INVS: variants seen among roughly 807,000 people sequenced by gnomAD.
The protein encoded by INVS is inversion of embryo turning homolog.
In INVS, 86 loss-of-function variants were observed where a neutral mutation model predicts 108.8. That is an observed-to-expected ratio of 0.79 (90% confidence interval 0.66 to 0.95). INVS has a LOEUF of 0.95. Ranked by LOEUF, INVS falls within the 40% of genes least tolerant of loss-of-function variation. The pLI, the probability that INVS is intolerant of heterozygous loss-of-function variation, is 0.00. For synonymous variants in INVS, 455 were observed against 473.5 expected (o/e 0.96, Z 0.51); for missense variants, 1,169 against 1,297.4 (o/e 0.90, Z 1.52).
intron 3 of INVS, among the ~76,000 whole-genome samples, chr9:100,191,178 G>C (rs1482511910): frequency 6.6e-6 from 1 of 152,068 alleles, no homozygotes; most frequent in African/African-American, 2.4e-5. Flanking sequence ...TTTTTGTAAT[G>C]AATCTCCCAG....
chr9:100,268,703 T>G (rs1832864383), intron 11 of INVS, among the ~76,000 whole-genome samples: 1 of 152,086 alleles, frequency 6.6e-6, no homozygotes, highest in Non-Finnish European at 1.5e-5. Flanking sequence ...GCTTAAAATT[T>G]TTCATAATAA....
intron 3 of INVS, among the ~76,000 whole-genome samples, chr9:100,214,646 A>G (rs574718586): frequency 6.6e-6 from 1 of 152,348 alleles, no homozygotes; most frequent in South Asian, 2.1e-4. Context: ...CATGTATACA[A>G]CGGGGTCCAC....
At chr9:100,244,554 A>G (rs958395161) in intron 7 of INVS, among the ~76,000 whole-genome samples, 21 of 152,276 alleles carry the variant, frequency 1.4e-4, no homozygotes, top group East Asian at 5.8e-4. Context: ...ATTCTTTATA[A>G]TGACTCAATA....
chr9:100,116,177 C>T (rs956994887), intron 2 of INVS, among the ~76,000 whole-genome samples: 2 of 151,348 alleles, frequency 1.3e-5, no homozygotes, highest in Admixed American at 1.3e-4. Flanking sequence ...AATCTCGGCT[C>T]CCTGCAACCT....
chr9:100,124,183 T>A (rs898736041), intron 2 of INVS, among the ~76,000 whole-genome samples: 3 of 141,464 alleles, frequency 2.1e-5, no homozygotes, highest in African/African-American at 8.3e-5. Context: ...TCTGAGTGTG[T>A]GTGTGTGTGT....
chr9:100,274,597 C>T (rs2787383), intron 12 of INVS, among the ~76,000 whole-genome samples: 50,085 of 152,120 alleles, frequency 0.33, 9,006 homozygotes, highest in Non-Finnish European at 0.42. Flanking sequence ...CTCCACCTCC[C>T]GGGTTCAAGC....
chr9:100,156,442 T>G (rs1176032964), intron 3 of INVS, among the ~76,000 whole-genome samples: 1 of 151,896 alleles, frequency 6.6e-6, no homozygotes, highest in Non-Finnish European at 1.5e-5. Context: ...TTTGTATTTT[T>G]GGTAGAGATG....
chr9:100,214,528 A>C (rs1057467584), intron 3 of INVS, among the ~76,000 whole-genome samples: 1 of 152,222 alleles, frequency 6.6e-6, no homozygotes, highest in African/African-American at 2.4e-5. Flanking sequence ...AGTAGTTGTT[A>C]CTTCAGTTGC....
rs891894248 is a variant in INVS at position 100,218,986 on chromosome 9, C to T, written c.274-7076C>T. 3.3e-5 allele frequency among the ~76,000 whole-genome samples: 5 copies of T among 152,060 alleles called. No individual in the cohort carries two copies. In the East Asian group the frequency reaches 7.7e-4, roughly 23 times the overall value. The stretch of plus-strand genomic sequence containing the variant: ...GAAAACAAAGCAAACAAATGAAAAA[C>T]AAAAATGAACCTGCAGACAGAAATT... On this transcript the variant is annotated intron_variant, in intron 3 of 16. Coordinates refer to ENST00000262457, the MANE Select transcript of INVS (RefSeq NM_014425.5).
At chr9:100,263,302 C>T (rs1360470483) in intron 10 of INVS, among the ~76,000 whole-genome samples, 1 of 152,138 alleles carries the variant, frequency 6.6e-6, no homozygotes, top group Non-Finnish European at 1.5e-5. Context: ...TATTATCTTA[C>T]CATTCTAGAT....
At chr9:100,103,444 T>C (rs1045025533) in intron 1 of INVS, among the ~76,000 whole-genome samples, 1 of 151,732 alleles carries the variant, frequency 6.6e-6, no homozygotes, top group African/African-American at 2.4e-5. Context: ...CTGGCCAACA[T>C]GGTGAAACCC....
chr9:100,203,542 A>G (rs981272005), intron 3 of INVS, among the ~76,000 whole-genome samples: 1 of 136,888 alleles, frequency 7.3e-6, no homozygotes, highest in Non-Finnish European at 1.5e-5. Flanking sequence ...TCACTCTATC[A>G]TCTAGGCTGG....
At chr9:100,232,362 T>A (rs552597454) in intron 5 of INVS, among the ~76,000 whole-genome samples, 2 of 152,344 alleles carry the variant, frequency 1.3e-5, no homozygotes, top group African/African-American at 2.4e-5. Flanking sequence ...TTTCATTAGA[T>A]CCCATTTGTC....
At position 100,205,093 on chromosome 9, in the gene INVS, CTG is replaced by C. The variant is rs548200313; in HGVS notation, c.274-20966_274-20965del. The stretch of plus-strand genomic sequence containing the variant: ...GTATCTTTTGTTTATCTGCAAAAGT[CTG>C]TGCATAGTTTTTATTGCTGAAAATA... On this transcript the variant is annotated intron_variant, in intron 3 of 16. Coordinates refer to ENST00000262457, the MANE Select transcript of INVS (RefSeq NM_014425.5). Among the ~76,000 whole-genome samples, 912 of 152,144 alleles carry C rather than the reference CTG, an allele frequency of 6.0e-3. 8 individuals carry two copies. The highest frequency in any genetic ancestry group is 0.02 in the African/African-American group (839 of 41,518).
rs1833003297 is a variant in INVS, at chr9:100,273,010, A to G, written c.1718A>G (p.Lys573Arg). ...GTCTACAAAGGGTACAAGGTCAGAA[A>G]AGCCTTCCGAGACAGGAAAAATCTC... ...QAVYKGYKVR[K>R]AFRDRKNLLM... The change falls in exon 12 of 17, where the codon AAA becomes AGA. Residue 573 changes from lysine (K) to arginine (R), a missense_variant. By Grantham distance (26) the Lys-to-Arg change is conservative. Coordinates refer to ENST00000262457, the MANE Select transcript of INVS (RefSeq NM_014425.5). The G allele has an allele frequency of 3.1e-6, 5 of 1,614,068 alleles. No individual in the cohort carries two copies. The highest frequency in any genetic ancestry group is 4.2e-6 in the Non-Finnish European group (5 of 1,180,026).
chr9:100,257,958 T>C (rs1412986092), intron 10 of INVS, among the ~76,000 whole-genome samples: 1 of 152,250 alleles, frequency 6.6e-6, no homozygotes, highest in Admixed American at 6.5e-5. Flanking sequence ...TTGGCCTGCC[T>C]TTCTAGGTTG....
intron 11 of INVS, among the ~76,000 whole-genome samples, chr9:100,266,059 A>C (rs1435790599): frequency 6.6e-6 from 1 of 152,122 alleles, no homozygotes; most frequent in African/African-American, 2.4e-5. Context: ...CAGCCTCTGC[A>C]ACAGAGTAAG....
At chr9:100,281,414 G>C (rs758832685) in intron 12 of INVS, among the ~76,000 whole-genome samples, 1 of 152,234 alleles carries the variant, frequency 6.6e-6, no homozygotes, top group Non-Finnish European at 1.5e-5. Context: ...GCTGAATTGT[G>C]TGTGTTGTTG....
intron 5 of INVS, among the ~76,000 whole-genome samples, chr9:100,237,867 G>GT (rs1564171099): frequency 1.3e-5 from 2 of 150,046 alleles, no homozygotes; most frequent in Non-Finnish European, 3.0e-5. Context: ...ACTCTCTCTG[G>GT]TTTTTTGTTT....
Sources: allele counts gnomAD v4.1 joint callset (sites outside exome capture counted in the v4.1 genomes callset), GRCh38; gene constraint gnomAD v4.1.1; transcripts MANE v1.5; gene names NCBI Gene and HGNC (gene_info 2026-07-23, HGNC 2026-07-21).